EHBP1: variants seen among roughly 807,000 people sequenced by gnomAD.
EHBP1 encodes the protein EH domain binding protein 1, also known as EH domain-binding protein 1.
A neutral mutation model predicts 144.0 loss-of-function variants in EHBP1; 55 were observed. The ratio of observed to expected loss-of-function variants is 0.38; its 90% CI spans 0.31 to 0.48. EHBP1 has a LOEUF of 0.48. Among genes scored for constraint, EHBP1 ranks in the 20% least tolerant of loss-of-function variants. EHBP1 has a pLI of 0.98. For missense variants in EHBP1, 1,200 were observed against 1,364.2 expected (o/e 0.88, Z 1.90); for synonymous variants, 469 against 472.7 (o/e 0.99, Z 0.10).
intron 4 of EHBP1, 51 bp from the exon 5 acceptor site, chr2:62,771,288 G>A: frequency 1.4e-6 from 2 of 1,401,326 alleles, no homozygotes; most frequent in Non-Finnish European, 2.0e-6. Flanking sequence ...TGGGTTTATT[G>A]GACTAAAGAC....
intron 21 of EHBP1, among the ~76,000 whole-genome samples, chr2:63,041,766 G>A (rs2061668397): frequency 6.6e-6 from 1 of 152,132 alleles, no homozygotes; most frequent in Admixed American, 6.5e-5. Flanking sequence ...CTAAAGATAA[G>A]ACTTGACTGC....
At chr2:62,964,256 T>A (rs528959696) in intron 14 of EHBP1, among the ~76,000 whole-genome samples, 12 of 152,160 alleles carry the variant, frequency 7.9e-5, no homozygotes, top group Admixed American at 7.9e-4. Flanking sequence ...AAAGTCTTAT[T>A]TGAGGTTGCC....
intron 10 of EHBP1, among the ~76,000 whole-genome samples, chr2:62,901,646 A>G (rs1241619019): frequency 2.0e-5 from 3 of 151,258 alleles, no homozygotes; most frequent in East Asian, 1.9e-4. Flanking sequence ...GAATATGAAC[A>G]TTTAACACTT....
intron 19 of EHBP1, among the ~76,000 whole-genome samples, chr2:63,003,076 A>G (rs920081459): frequency 6.6e-6 from 1 of 152,074 alleles, no homozygotes; most frequent in Non-Finnish European, 1.5e-5. Flanking sequence ...TTTAATGATT[A>G]TACCTAGACT....
intron 5 of EHBP1, among the ~76,000 whole-genome samples, chr2:62,790,726 C>T (rs761645244): frequency 1.3e-5 from 2 of 152,014 alleles, no homozygotes; most frequent in African/African-American, 2.4e-5. Context: ...TAGATTTTGG[C>T]TTTGCAGACA....
chr2:63,034,779 G>T (rs1339488791), intron 19 of EHBP1, among the ~76,000 whole-genome samples: 3 of 151,528 alleles, frequency 2.0e-5, no homozygotes, highest in African/African-American at 7.3e-5. Context: ...TCTTTAATGA[G>T]CTCTTACTTA....
intron 13 of EHBP1, among the ~76,000 whole-genome samples, chr2:62,950,753 T>C (rs1283604967): frequency 1.3e-5 from 2 of 152,092 alleles, no homozygotes; most frequent in Non-Finnish European, 2.9e-5. Context: ...TGGTGCCATC[T>C]TGGCTTACCA....
At chr2:62,714,840 A>C (rs937392422) in intron 2 of EHBP1, among the ~76,000 whole-genome samples, 2 of 152,186 alleles carry the variant, frequency 1.3e-5, no homozygotes, top group African/African-American at 4.8e-5. Flanking sequence ...TAACCAGGGA[A>C]TGTGCCTGCA....
intron 19 of EHBP1, among the ~76,000 whole-genome samples, chr2:63,007,166 A>G (rs1003430533): frequency 1.3e-5 from 2 of 151,994 alleles, no homozygotes; most frequent in African/African-American, 2.4e-5. Context: ...ATGGCATTTT[A>G]CCAACTTTAA....
intron 7 of EHBP1, among the ~76,000 whole-genome samples, chr2:62,847,046 T>G (rs1474913781): frequency 6.6e-6 from 1 of 152,232 alleles, no homozygotes; most frequent in East Asian, 1.9e-4. Flanking sequence ...AACTGAATTA[T>G]AATAGTAATG....
At chr2:62,723,485 A>G (rs192151287) in intron 2 of EHBP1, among the ~76,000 whole-genome samples, 1 of 151,920 alleles carries the variant, frequency 6.6e-6, no homozygotes, top group Admixed American at 6.6e-5. Context: ...ATTTACATTT[A>G]AGGTTAATAT....
At chr2:62,913,455 T>C (rs2054374236) in intron 10 of EHBP1, among the ~76,000 whole-genome samples, 1 of 152,236 alleles carries the variant, frequency 6.6e-6, no homozygotes, top group Admixed American at 6.5e-5. Context: ...TGCTGCTTAA[T>C]GTTTTACATC....
At chr2:62,974,676 A>G (rs1351046185) in intron 14 of EHBP1, among the ~76,000 whole-genome samples, 1 of 152,182 alleles carries the variant, frequency 6.6e-6, no homozygotes, top group Non-Finnish European at 1.5e-5. Flanking sequence ...TTCACTTTAA[A>G]TATTTTTGGT....
intron 10 of EHBP1, among the ~76,000 whole-genome samples, chr2:62,905,550 C>T (rs1344477293): frequency 2.6e-5 from 4 of 150,988 alleles, no homozygotes; most frequent in East Asian, 3.9e-4. Flanking sequence ...CTCGGTTGGG[C>T]GCAGCAGCTC....
Position 62,996,727 on chromosome 2 carries a change from G to A in EHBP1, c.3064G>A (p.Ala1022Thr), listed in dbSNP as rs749727784. The change falls in exon 19 of 23, where the codon GCG becomes ACG. Residue 1022 changes from alanine to threonine, a missense_variant. Ala to Thr is a moderately conservative substitution (Grantham distance 58). Around this residue, in one of 6 missense-constraint regions of EHBP1, gnomAD observed 149 missense variants for 217.0 expected, o/e 0.69. Transcript: ENST00000431489. ...NEQKQIDTRA[A>T]LVEKRLRYLM... The stretch of plus-strand genomic sequence containing the variant: ...GCAAAAGCAAATTGACACCCGTGCC[G>A]CGCTGGTGGAGAAGCGCCTTCGCTA... The A allele has an allele frequency of 3.1e-6, 5 of 1,612,834 alleles. No homozygotes were observed. Among genetic ancestry groups the A allele is most frequent in the African/African-American group, 1.3e-5 (1 of 74,794 alleles).
At chr2:62,760,913 G>T (rs1424154877) in intron 3 of EHBP1, among the ~76,000 whole-genome samples, 2 of 152,130 alleles carry the variant, frequency 1.3e-5, no homozygotes, top group African/African-American at 4.8e-5. Context: ...TTTTCATTGA[G>T]AATTTAATAG....
rs1558562894 is a variant in EHBP1, at chr2:62,729,448, A to C, written c.105-17947A>C. On this transcript the variant is annotated intron_variant, in intron 2 of 22. Coordinates refer to ENST00000431489, the MANE Select transcript of EHBP1 (RefSeq NM_001142616.3). ...TAATATAATAATAATAAATATAATA[A>C]TAAATATATAATATATAAATATATA... 9.3e-4 allele frequency among the ~76,000 whole-genome samples: 95 copies of C among 102,320 alleles called. 2 individuals carry two copies. In the South Asian group the frequency reaches 0.024, roughly 26 times the overall value. The allele number at this position is 102,320 out of a possible 152,430, so 67.1% of individuals were successfully genotyped here.
intron 4 of EHBP1, 152 bp downstream of exon 4, chr2:62,764,513 A>G (rs1423763563): frequency 8.2e-6 from 4 of 490,232 alleles, no homozygotes; most frequent in African/African-American, 8.1e-5. Context: ...TAACAATGCA[A>G]AGGAATCACA....
At chr2:62,822,729 T>C (rs956220148) in intron 5 of EHBP1, among the ~76,000 whole-genome samples, 3 of 152,184 alleles carry the variant, frequency 2.0e-5, no homozygotes, top group African/African-American at 7.2e-5. Context: ...TTGGTAATGT[T>C]CAACTTTACA....
Sources: allele counts gnomAD v4.1 joint callset (sites outside exome capture counted in the v4.1 genomes callset), GRCh38; gene constraint gnomAD v4.1.1; regional missense constraint gnomAD v4.1.1; transcripts MANE v1.5; gene names NCBI Gene and HGNC (gene_info 2026-07-23, HGNC 2026-07-21).